The following CABLES1 variants were observed in gnomAD, a reference collection of about 807,000 sequenced individuals.
CABLES1 encodes the protein Cdk5 and Abl enzyme substrate 1, also known as CDK5 and ABL1 enzyme substrate 1.
CABLES1 carries 36 observed loss-of-function variants against 57.8 expected under a neutral mutation model. The ratio of observed to expected loss-of-function variants is 0.62; its 90% CI spans 0.48 to 0.82. The LOEUF (loss-of-function observed/expected upper bound fraction) is 0.82, where lower values mean the gene tolerates loss of function less well. Among genes scored for constraint, CABLES1 ranks in the 40% least tolerant of loss-of-function variants. The pLI is 0.00. For missense variants in CABLES1, 767 were observed against 836.6 expected, an observed-to-expected ratio of 0.92 and a Z score of 1.03; for synonymous variants, 374 against 363.0, an observed-to-expected ratio of 1.03 and a Z score of -0.35.
At chr18:23,247,839 G>A (rs1308329310) in intron 7 of CABLES1, among the ~76,000 whole-genome samples, 1 of 152,234 alleles carries the variant, frequency 6.6e-6, no homozygotes. Flanking sequence ...GATGACTGGA[G>A]AGCCTCGTCC....
At chr18:23,145,764 G>A (rs1179777978) in intron 1 of CABLES1, among the ~76,000 whole-genome samples, 1 of 152,146 alleles carries the variant, frequency 6.6e-6, no homozygotes, top group African/African-American at 2.4e-5. Context: ...GAGTTTGCTA[G>A]TTTGTCTTTT....
At chr18:23,213,698 G>A (rs542238656) in intron 3 of CABLES1, among the ~76,000 whole-genome samples, 4 of 152,326 alleles carry the variant, frequency 2.6e-5, no homozygotes, top group Admixed American at 2.0e-4. Flanking sequence ...GCAGCCCACA[G>A]CAAGCAGGTC....
At chr18:23,155,854 C>G (rs1244337284) in intron 1 of CABLES1, 1 of 1,612,778 alleles carries the variant, frequency 6.2e-7, no homozygotes, top group Admixed American at 1.7e-5. Flanking sequence ...GTTTGAATGA[C>G]TCATAAAATG....
intron 1 of CABLES1, among the ~76,000 whole-genome samples, chr18:23,152,093 T>C (rs141751087): frequency 3.2e-4 from 48 of 152,198 alleles, no homozygotes; most frequent in African/African-American, 1.1e-3. Flanking sequence ...CTTGATCCAG[T>C]GTTATGAGTT....
intron 7 of CABLES1, among the ~76,000 whole-genome samples, chr18:23,246,491 A>C (rs534299534): frequency 2.6e-5 from 4 of 151,942 alleles, no homozygotes; most frequent in African/African-American, 7.3e-5. Flanking sequence ...TCCCGGGTTC[A>C]CGCCATTCTC....
intron 4 of CABLES1, among the ~76,000 whole-genome samples, chr18:23,220,006 C>G (rs970164712): frequency 2.6e-5 from 4 of 152,060 alleles, no homozygotes; most frequent in Admixed American, 1.3e-4. Context: ...GGCTTCATCA[C>G]CCTGGGCTTG....
chr18:23,139,845 A>G (rs906046251), intron 1 of CABLES1, among the ~76,000 whole-genome samples: 1 of 152,190 alleles, frequency 6.6e-6, no homozygotes, highest in Admixed American at 6.5e-5. Flanking sequence ...CTTGCACACA[A>G]TAGGCCCATA....
At chr18:23,240,170 G>A (rs1183471611) in intron 7 of CABLES1, among the ~76,000 whole-genome samples, 1 of 152,158 alleles carries the variant, frequency 6.6e-6, no homozygotes, top group Non-Finnish European at 1.5e-5. Context: ...TTGGACGTGG[G>A]CCCCAGGGGG....
chr18:23,212,104 A>G (rs1264147713), intron 3 of CABLES1, among the ~76,000 whole-genome samples: 2 of 152,256 alleles, frequency 1.3e-5, no homozygotes, highest in East Asian at 1.9e-4. Context: ...GGGGTCTTTC[A>G]GCTGTCCTGG....
rs750084053 is a variant in CABLES1 at position 23,253,710 on chromosome 18, C to T, written c.1554-19C>T. 1.9e-6 allele frequency: 3 copies of T among 1,609,732 alleles called. No homozygotes were observed. The African/African-American group carries it at 4.0e-5, about 21-fold the overall frequency. The stretch of plus-strand genomic sequence containing the variant: ...CTAAGTTTTCACAAGACTGTTCCCT[C>T]TTGCCTGTCTTTCTCCAGTCTGAAA... On this transcript the variant is annotated intron_variant, in intron 8 of 9. Transcript: ENST00000256925.
intron 1 of CABLES1, among the ~76,000 whole-genome samples, chr18:23,162,806 A>G (rs1488333408): frequency 1.3e-5 from 2 of 152,156 alleles, no homozygotes; most frequent in Non-Finnish European, 2.9e-5. Context: ...CCCTTTGGGG[A>G]GGAAGCCAGT....
At chr18:23,137,873 T>A (rs1169488134) in intron 1 of CABLES1, among the ~76,000 whole-genome samples, 1 of 152,062 alleles carries the variant, frequency 6.6e-6, no homozygotes, top group Non-Finnish European at 1.5e-5. Flanking sequence ...CATAAGTGCA[T>A]GGATGAATTA....
upstream of CABLES1, among the ~76,000 whole-genome samples, chr18:23,135,008 G>A (rs536782557): frequency 3.9e-5 from 6 of 152,212 alleles, no homozygotes; most frequent in South Asian, 1.2e-3. Context: ...TACTTCTCGG[G>A]GACCAACGGC....
Position 23,254,725 on chromosome 18 carries a change from A to G in CABLES1, c.1761+789A>G, listed in dbSNP as rs552397572. Among the ~76,000 whole-genome samples, 4 of 152,328 alleles carry G rather than the reference A, an allele frequency of 2.6e-5. No homozygotes were observed. In the East Asian group the frequency reaches 5.8e-4, roughly 22 times the overall value. The stretch of plus-strand genomic sequence containing the variant: ...CTTGCCCATCCTTAATTGCAGAGAA[A>G]GACAAAAAGCAAGCACTCTGGTTTC... On this transcript the variant is annotated intron_variant, in intron 9 of 9. Coordinates refer to ENST00000256925, the MANE Select transcript of CABLES1 (RefSeq NM_001100619.3).
intron 7 of CABLES1, 137 bp downstream of exon 7, chr18:23,237,382 C>T (rs1041246856): frequency 6.2e-5 from 42 of 682,554 alleles, no homozygotes; most frequent in Middle Eastern, 3.8e-4. Flanking sequence ...TGGGTGCCCA[C>T]GGAAGGACCA....
intron 4 of CABLES1, among the ~76,000 whole-genome samples, chr18:23,229,213 G>A (rs549751739): frequency 2.0e-5 from 3 of 152,226 alleles, no homozygotes; most frequent in Non-Finnish European, 4.4e-5. Flanking sequence ...AGGGGTTCAA[G>A]ACCACCTGGC....
At chr18:23,189,201 C>G in intron 2 of CABLES1, 1 of 345,860 alleles carries the variant, frequency 2.9e-6, no homozygotes, top group Non-Finnish European at 5.4e-6. Flanking sequence ...AACAAGAGCC[C>G]AGCATTGTCC....
intron 1 of CABLES1, among the ~76,000 whole-genome samples, chr18:23,148,228 A>T (rs749270300): frequency 1.3e-5 from 2 of 151,902 alleles, no homozygotes; most frequent in Non-Finnish European, 2.9e-5. Flanking sequence ...TGATCTCATG[A>T]TCCACCCGCC....
intron 3 of CABLES1, among the ~76,000 whole-genome samples, chr18:23,202,743 T>C (rs2047334379): frequency 1.3e-5 from 2 of 151,994 alleles, no homozygotes; most frequent in Admixed American, 1.3e-4. Context: ...TCCCAGCACT[T>C]TGGGAGACTG....
Sources: gnomAD v4.1 joint callset for allele counts (sites outside exome capture counted in the v4.1 genomes callset) on GRCh38, gnomAD v4.1.1 for gene constraint, MANE v1.5 for transcripts, NCBI Gene and HGNC (gene_info 2026-07-23, HGNC 2026-07-21) for gene names.